Variants in EVL observed in about 807,000 individuals in gnomAD.
The protein encoded by EVL is ena/VASP-like protein.
In EVL, 21 loss-of-function variants were observed where a neutral mutation model predicts 59.6. The observed-to-expected ratio is 0.35, with a 90% confidence interval of 0.25 to 0.51. The LOEUF is 0.51. Ranked by LOEUF, EVL falls within the 20% of genes least tolerant of loss-of-function variation. EVL has a pLI of 0.97. For synonymous variants in EVL, 198 were observed against 203.5 expected, an observed-to-expected ratio of 0.97 and a Z score of 0.23; for missense variants, 462 against 546.6, an observed-to-expected ratio of 0.85 and a Z score of 1.54.
chr14:100,028,190 T>C (rs1465706106), intron 1 of EVL, among the ~76,000 whole-genome samples: 1 of 149,822 alleles, frequency 6.7e-6, no homozygotes, highest in African/African-American at 2.5e-5. Flanking sequence ...CCACAGTGGC[T>C]GTACTAATTT....
chr14:100,136,515 G>C (rs977288089), intron 9 of EVL, among the ~76,000 whole-genome samples: 6 of 152,196 alleles, frequency 3.9e-5, no homozygotes, highest in Non-Finnish European at 8.8e-5. Context: ...GAAGACCCCA[G>C]GGTTGGTTGT....
At chr14:99,990,459 G>A (rs752989745) in intron 1 of EVL, among the ~76,000 whole-genome samples, 36 of 152,012 alleles carry the variant, frequency 2.4e-4, no homozygotes, top group Non-Finnish European at 4.3e-4. Flanking sequence ...TTCATCTTGC[G>A]AAACTGAAAC....
At chr14:100,017,622 G>A (rs954952093) in intron 1 of EVL, among the ~76,000 whole-genome samples, 1 of 152,194 alleles carries the variant, frequency 6.6e-6, no homozygotes, top group Middle Eastern at 3.2e-3. Flanking sequence ...TAAGTAGCTT[G>A]TCAATGATCA....
At chr14:100,136,360 G>T (rs896487908) in intron 9 of EVL, among the ~76,000 whole-genome samples, 2 of 152,214 alleles carry the variant, frequency 1.3e-5, no homozygotes, top group East Asian at 3.9e-4. Context: ...CCAGTGAAAC[G>T]CCAGCTGATG....
Position 100,141,716 on chromosome 14 carries a change from G to A in EVL, c.1162-20G>A. ...GTCTCCACTGCCTGTCCCTTCACCT[G>A]GACACTCCTCTCCCAACAGGAGATC... On this transcript the variant is annotated intron_variant, in intron 12 of 13. Transcript: ENST00000392920. 1 of 1,612,472 alleles carries A rather than the reference G, an allele frequency of 6.2e-7. No homozygotes were observed. The highest frequency in any genetic ancestry group is 8.5e-7 in the Non-Finnish European group (1 of 1,179,298).
chr14:100,019,577 C>A, intron 1 of EVL: 1 of 1,194,440 alleles, frequency 8.4e-7, no homozygotes, highest in Non-Finnish European at 1.1e-6. Context: ...CATTTTTCTG[C>A]ACTTTGCACC....
chr14:100,099,138 T>G (rs185318547), intron 3 of EVL, among the ~76,000 whole-genome samples: 1 of 143,764 alleles, frequency 7.0e-6, no homozygotes, highest in African/African-American at 2.6e-5. Flanking sequence ...AGGTCCGGAG[T>G]TCAAGACCAA....
At chr14:100,110,131 C>T (rs1251782953) in intron 3 of EVL, among the ~76,000 whole-genome samples, 1 of 152,228 alleles carries the variant, frequency 6.6e-6, no homozygotes, top group African/African-American at 2.4e-5. Flanking sequence ...GTAATCCCAG[C>T]ACTTTAGGAG....
At chr14:100,026,620 C>T (rs960545575) in intron 1 of EVL, among the ~76,000 whole-genome samples, 1 of 152,106 alleles carries the variant, frequency 6.6e-6, no homozygotes, top group Non-Finnish European at 1.5e-5. Flanking sequence ...CCAGTTCCCA[C>T]GGCTCTTCCA....
At chr14:100,143,648 ACCGGG>A in intron 13 of EVL, 48 bp from the exon 14 acceptor site, 1 of 1,606,066 alleles carries the variant, frequency 6.2e-7, no homozygotes, top group African/African-American at 1.3e-5. Context: ...CTGATGAGGA[ACCGGG>A]CTGCACTGGT....
chr14:99,979,729 C>T (rs1185590262), intron 1 of EVL, among the ~76,000 whole-genome samples: 11 of 152,002 alleles, frequency 7.2e-5, no homozygotes, highest in Non-Finnish European at 1.5e-4. Context: ...ATTAGCCGGG[C>T]GTGGTGGCAG....
chr14:100,111,148 ATTTTTTTTTT>A (rs35367426), intron 3 of EVL, among the ~76,000 whole-genome samples: 1 of 86,798 alleles, frequency 1.2e-5, no homozygotes, highest in Non-Finnish European at 2.1e-5. Context: ...TAGTGTCCTC[ATTTTTTTTTT>A]TTTTTTTTTT....
At chr14:100,136,075 C>T in intron 9 of EVL, 107 bp downstream of exon 9, 1 of 1,284,616 alleles carries the variant, frequency 7.8e-7, no homozygotes, top group Non-Finnish European at 1.1e-6. Context: ...TATGCCTGAG[C>T]AGAGGGCCAG....
At chr14:100,051,974 T>C (rs2061654920) in intron 1 of EVL, among the ~76,000 whole-genome samples, 3 of 152,318 alleles carry the variant, frequency 2.0e-5, no homozygotes, top group East Asian at 1.9e-4. Context: ...AATACCTCGG[T>C]GGACCAAACA....
intron 3 of EVL, among the ~76,000 whole-genome samples, chr14:100,105,102 G>A: frequency 6.6e-6 from 1 of 151,884 alleles, no homozygotes; most frequent in Non-Finnish European, 1.5e-5. Context: ...GCTGCAGCCA[G>A]TGCCCTTGGC....
intron 1 of EVL, among the ~76,000 whole-genome samples, chr14:100,059,423 A>G (rs754136031): frequency 6.6e-6 from 1 of 152,210 alleles, no homozygotes; most frequent in Non-Finnish European, 1.5e-5. Context: ...AGGGCAAGGA[A>G]CTAGAGAAAT....
At chr14:99,988,304 G>A (rs2060852480) in intron 1 of EVL, among the ~76,000 whole-genome samples, 1 of 152,092 alleles carries the variant, frequency 6.6e-6, no homozygotes, top group Non-Finnish European at 1.5e-5. Flanking sequence ...ACTTGAAAAG[G>A]TGCTTAGCAT....
intron 1 of EVL, among the ~76,000 whole-genome samples, chr14:100,034,102 G>A (rs892109743): frequency 6.6e-6 from 1 of 151,818 alleles, no homozygotes; most frequent in African/African-American, 2.4e-5. Flanking sequence ...CAGGCGTGGT[G>A]ATGGGTGCCT....
At chr14:100,069,418 A>C (rs1250754736) in intron 1 of EVL, among the ~76,000 whole-genome samples, 1 of 152,226 alleles carries the variant, frequency 6.6e-6, no homozygotes, top group Non-Finnish European at 1.5e-5. Flanking sequence ...CTTCGCACCT[A>C]ATTGTACGCC....
Sources: allele counts gnomAD v4.1 joint callset (sites outside exome capture counted in the v4.1 genomes callset), GRCh38; gene constraint gnomAD v4.1.1; transcripts MANE v1.5; gene names NCBI Gene and HGNC (gene_info 2026-07-23, HGNC 2026-07-21).